SRD5A2: variants seen among roughly 807,000 people sequenced by gnomAD.
The protein encoded by SRD5A2 is 3-oxo-5-alpha-steroid 4-dehydrogenase 2.
In SRD5A2, 30 loss-of-function variants were observed where a neutral mutation model predicts 27.4. The ratio of observed to expected loss-of-function variants is 1.10; its 90% CI spans 0.82 to 1.49. SRD5A2 has a LOEUF of 1.49. SRD5A2 is among the 40% of genes most tolerant of loss of function. SRD5A2 has a pLI of 0.00. For synonymous variants in SRD5A2, 141 were observed against 133.6 expected, an observed-to-expected ratio of 1.06 and a Z score of -0.38; for missense variants, 348 against 323.4, an observed-to-expected ratio of 1.08 and a Z score of -0.58.
At chr2:31,648,837 C>T in the SRD5A2 span, among the ~76,000 whole-genome samples, 1 of 152,178 alleles carries the variant, frequency 6.6e-6, no homozygotes, top group East Asian at 1.9e-4. Context: ...TGAAAATATG[C>T]TTTGTCCTCT....
chr2:31,532,409 T>G (rs1157716308), intron 2 of SRD5A2, among the ~76,000 whole-genome samples: 1 of 148,780 alleles, frequency 6.7e-6, no homozygotes, highest in Non-Finnish European at 1.5e-5. Context: ...ATTCTGACAT[T>G]AAAAGTAGCA....
chr2:31,586,392 C>T, the SRD5A2 span, among the ~76,000 whole-genome samples: 2 of 152,278 alleles, frequency 1.3e-5, no homozygotes, highest in Admixed American at 6.5e-5. Flanking sequence ...TGTAGAGCCC[C>T]AAGGCCTTGA....
chr2:31,569,917 A>T (rs1024999310), intron 1 of SRD5A2, among the ~76,000 whole-genome samples: 11 of 152,214 alleles, frequency 7.2e-5, no homozygotes, highest in African/African-American at 2.7e-4. Context: ...TCTGTTTTTC[A>T]AAAGACAGTT....
the SRD5A2 span, among the ~76,000 whole-genome samples, chr2:31,622,071 G>T: frequency 6.7e-4 from 102 of 152,070 alleles, 1 homozygote; most frequent in Admixed American, 3.0e-3. Flanking sequence ...CATCACCTAG[G>T]TATTACACCC....
the SRD5A2 span, among the ~76,000 whole-genome samples, chr2:31,649,564 AATAAT>A: frequency 1.3e-5 from 2 of 152,166 alleles, no homozygotes; most frequent in African/African-American, 2.4e-5. Context: ...TTATATATAA[AATAAT>A]ATAATAGGAA....
chr2:31,586,132 T>G, the SRD5A2 span, among the ~76,000 whole-genome samples: 4 of 152,194 alleles, frequency 2.6e-5, no homozygotes, highest in Non-Finnish European at 5.9e-5. Flanking sequence ...TTCTGAGATT[T>G]TGGTGCCCAT....
At chr2:31,652,508 A>G in the SRD5A2 span, among the ~76,000 whole-genome samples, 3 of 152,206 alleles carry the variant, frequency 2.0e-5, no homozygotes, top group African/African-American at 7.2e-5. Context: ...TAAAGATATT[A>G]TATCAGAAAG....
chr2:31,632,438 C>T, the SRD5A2 span, among the ~76,000 whole-genome samples: 2 of 152,198 alleles, frequency 1.3e-5, no homozygotes, highest in African/African-American at 4.8e-5. Context: ...CTGGAAGGCC[C>T]ACTGCCCCAG....
the SRD5A2 span, among the ~76,000 whole-genome samples, chr2:31,645,625 T>C: frequency 6.6e-6 from 1 of 152,170 alleles, no homozygotes; most frequent in South Asian, 2.1e-4. Context: ...AAGTTAGAAA[T>C]GTTCATTACA....
Position 31,525,992 on chromosome 2 carries a change from T to G in SRD5A2, c.*204A>C, listed in dbSNP as rs1164113697. 4.7e-6 allele frequency: 2 copies of G among 427,316 alleles called. No individual in the cohort carries two copies. Among genetic ancestry groups the G allele is most frequent in the Non-Finnish European group, 8.3e-6 (2 of 240,110 alleles). The allele number at this position is 427,316 out of a possible 1,614,324, so 26.5% of individuals were successfully genotyped here. A position where few individuals can be genotyped will look rare whatever the true frequency, so the allele number is the denominator to read the frequency against. ...AAAAGTGGCTTTTTGAAGCTTCAGT[T>G]GGGGATCAGGATAGGGGTCCCTGGA... On this transcript the variant is annotated 3_prime_UTR_variant, in exon 5 of 5. Coordinates refer to ENST00000622030, the MANE Select transcript of SRD5A2 (RefSeq NM_000348.4).
At chr2:31,633,231 C>T in the SRD5A2 span, among the ~76,000 whole-genome samples, 278 of 152,262 alleles carry the variant, frequency 1.8e-3, 3 homozygotes, top group African/African-American at 6.3e-3. Flanking sequence ...TTCCTCCCCT[C>T]GGGATGGCTA....
Position 31,524,809 on chromosome 2 carries a change from G to A in SRD5A2, c.*1387C>T, listed in dbSNP as rs908610270. 4.4e-6 allele frequency: 1 copy of A among 227,164 alleles called. No homozygotes were observed. Among genetic ancestry groups the A allele is most frequent in the Non-Finnish European group, 8.8e-6 (1 of 114,198 alleles). The allele number at this position is 227,164 out of a possible 1,614,324, so 14.1% of individuals were successfully genotyped here. A position where few individuals can be genotyped will look rare whatever the true frequency, so the allele number is the denominator to read the frequency against. The stretch of plus-strand genomic sequence containing the variant: ...GGCCTGAGAAGACAAATATTTCCAT[G>A]TATTCCAATTACAAGCGTTCGGCCC... On this transcript the variant is annotated 3_prime_UTR_variant, in exon 5 of 5. Coordinates refer to ENST00000622030, the MANE Select transcript of SRD5A2 (RefSeq NM_000348.4).
chr2:31,592,525 G>A, the SRD5A2 span, among the ~76,000 whole-genome samples: 1 of 152,214 alleles, frequency 6.6e-6, no homozygotes, highest in Non-Finnish European at 1.5e-5. Flanking sequence ...CACATCACAG[G>A]ACTCTTTGTA....
At chr2:31,557,909 C>T (rs1384300144) in intron 1 of SRD5A2, among the ~76,000 whole-genome samples, 1 of 152,218 alleles carries the variant, frequency 6.6e-6, no homozygotes, top group African/African-American at 2.4e-5. Context: ...CCTTCTGATG[C>T]AGAGTCTCAG....
At chr2:31,645,781 T>C in the SRD5A2 span, among the ~76,000 whole-genome samples, 4 of 152,200 alleles carry the variant, frequency 2.6e-5, no homozygotes, top group Non-Finnish European at 4.4e-5. Context: ...TGAAATAAAA[T>C]AGATATTGAA....
At chr2:31,620,735 CTT>C in the SRD5A2 span, among the ~76,000 whole-genome samples, 2 of 151,296 alleles carry the variant, frequency 1.3e-5, no homozygotes, top group Admixed American at 1.3e-4. Context: ...GTAGAGAACT[CTT>C]TGAGAACTGC....
the SRD5A2 span, among the ~76,000 whole-genome samples, chr2:31,658,625 A>AATTCC: frequency 1.3e-5 from 2 of 152,072 alleles, no homozygotes; most frequent in Non-Finnish European, 2.9e-5. Context: ...CCTAGAAGAA[A>AATTCC]TGGATAAATT....
At chr2:31,638,081 G>T in the SRD5A2 span, among the ~76,000 whole-genome samples, 1 of 151,902 alleles carries the variant, frequency 6.6e-6, no homozygotes, top group Non-Finnish European at 1.5e-5. Flanking sequence ...AAACTTCCCT[G>T]TTAGTACTGC....
At chr2:31,650,233 A>C in the SRD5A2 span, among the ~76,000 whole-genome samples, 2 of 152,288 alleles carry the variant, frequency 1.3e-5, no homozygotes, top group South Asian at 2.1e-4. Context: ...CCTCCTCTGC[A>C]TTCTCACGCG....
Sources: gnomAD v4.1 joint callset for allele counts (sites outside exome capture counted in the v4.1 genomes callset) on GRCh38, gnomAD v4.1.1 for gene constraint, MANE v1.5 for transcripts, NCBI Gene and HGNC (gene_info 2026-07-23, HGNC 2026-07-21) for gene names.